The following SH3TC1 variants were observed in gnomAD, a reference collection of about 807,000 sequenced individuals.
SH3TC1 encodes the protein SH3 domain and tetratricopeptide repeats 1, also known as SH3 domain and tetratricopeptide repeat-containing protein 1.
A neutral mutation model predicts 117.3 loss-of-function variants in SH3TC1; 135 were observed. That is an observed-to-expected ratio of 1.15 (90% confidence interval 1.00 to 1.33). The LOEUF is 1.33. Ranked by LOEUF, SH3TC1 falls within the 40% of genes most tolerant of loss-of-function variation. The pLI, the probability that SH3TC1 is intolerant of heterozygous loss-of-function variation, is 0.00. For synonymous variants in SH3TC1, 898 were observed against 816.9 expected (o/e 1.10, Z -1.69); for missense variants, 2,092 against 1,794.3 (o/e 1.17, Z -3.00).
At chr4:8,237,410 G>A (rs1007929827) in intron 16 of SH3TC1, 64 bp from the exon 17 acceptor site, 12 of 1,400,426 alleles carry the variant, frequency 8.6e-6, no homozygotes, top group East Asian at 5.3e-5. Flanking sequence ...AGGTGCTGCC[G>A]GGGTCTGCAT....
In SH3TC1 at chr4:8,227,914, G is replaced by A. The variant is rs371250451; in HGVS notation, c.2220G>A (p.Ser740=). ...VKVASLRTRG[S]LAGSLRSVNL... ...TGGCCTCATTGCGGACACGGGGCTC[G>A]CTGGCCGGCTCGCTGAGGAGTGTGA... is the stretch of plus-strand genomic sequence containing the variant. The change falls in exon 12 of 18, where the codon TCG becomes TCA. Residue 740 remains serine, a synonymous_variant. Coordinates refer to ENST00000245105, the MANE Select transcript of SH3TC1 (RefSeq NM_018986.5). 6 of 1,612,606 alleles carry A rather than the reference G, an allele frequency of 3.7e-6. No homozygotes were observed. Among genetic ancestry groups the A allele is most frequent in the Non-Finnish European group, 5.1e-6 (6 of 1,179,914 alleles).
In SH3TC1 at chr4:8,219,408, C is replaced by A; in HGVS notation, c.990C>A (p.Asp330Glu). 2 of 1,611,354 alleles carry A rather than the reference C, an allele frequency of 1.2e-6. No individual in the cohort carries two copies. The highest frequency in any genetic ancestry group is 1.7e-6 in the Non-Finnish European group (2 of 1,178,674). ...AAGAGATGACCTTCCGAGGTGGCGA[C>A]CTCATCGAGATCCTTGGGGCGCAGG... is the stretch of plus-strand genomic sequence containing the variant. ...GPEEMTFRGGDLIEILGAQVP... is the reference protein window; with the variant it reads ...GPEEMTFRGGELIEILGAQVP... The change falls in exon 9 of 18, where the codon GAC (aspartate) becomes GAA (glutamate). Residue 330 changes from aspartate (D) to glutamate (E), a missense_variant. By Grantham distance (45) the Asp-to-Glu change is conservative. Transcript: ENST00000245105.
intron 5 of SH3TC1, among the ~76,000 whole-genome samples, chr4:8,215,605 C>T (rs1393947622): frequency 6.6e-6 from 1 of 152,192 alleles, no homozygotes; most frequent in African/African-American, 2.4e-5. Flanking sequence ...GTGCCTTACA[C>T]GTGCACCGAG....
chr4:8,184,048 C>T (rs772959524), intron 1 of SH3TC1, among the ~76,000 whole-genome samples: 1 of 152,086 alleles, frequency 6.6e-6, no homozygotes, highest in Non-Finnish European at 1.5e-5. Flanking sequence ...TGCGCCTGGC[C>T]GTGTGTCTTT....
At chr4:8,232,509 C>G in intron 13 of SH3TC1, 2 of 1,393,772 alleles carry the variant, frequency 1.4e-6, no homozygotes, top group Non-Finnish European at 1.9e-6. Flanking sequence ...GTCTTCACTC[C>G]TGGCCTTCAC....
chr4:8,198,374 G>A (rs1717631147), upstream of SH3TC1, among the ~76,000 whole-genome samples: 1 of 152,204 alleles, frequency 6.6e-6, no homozygotes, highest in Non-Finnish European at 1.5e-5. Flanking sequence ...AGGCTGGAGG[G>A]ATCCCTCCCA....
chr4:8,203,409 C>T (rs56215353), intron 1 of SH3TC1, among the ~76,000 whole-genome samples: 27,583 of 151,850 alleles, frequency 0.18, 2,672 homozygotes, highest in Admixed American at 0.23. Flanking sequence ...TGTCTGGTAC[C>T]AGGAGGTGTG....
chr4:8,202,332 G>T (rs552706045), intron 1 of SH3TC1, among the ~76,000 whole-genome samples: 14 of 152,338 alleles, frequency 9.2e-5, no homozygotes, highest in African/African-American at 2.9e-4. Flanking sequence ...GAGGGTGAAG[G>T]CCCCAGGCTG....
Position 8,227,430 on chromosome 4 carries a change from C to A in SH3TC1, c.1736C>A (p.Ala579Asp). 1.3e-6 allele frequency: 2 copies of A among 1,556,762 alleles called. No individual in the cohort carries two copies. Reference protein sequence around the residue: ...LCSRRLKLSQARVYFEEALGA... With the variant: ...LCSRRLKLSQDRVYFEEALGA... Reference sequence around the variant, plus strand: ...AGCAGGAGGCTCAAGCTGTCCCAGGCCCGGGTGTACTTTGAGGAAGCGCTG... The same window carrying A: ...AGCAGGAGGCTCAAGCTGTCCCAGGACCGGGTGTACTTTGAGGAAGCGCTG... Residue 579 changes from alanine to aspartate, a missense_variant, in exon 12 of 18, where the codon GCC becomes GAC. By Grantham distance (126) the Ala-to-Asp change is moderately radical (BLOSUM62 -2). Coordinates refer to ENST00000245105, the MANE Select transcript of SH3TC1 (RefSeq NM_018986.5).
chr4:8,236,572 G>A (rs796255899), intron 16 of SH3TC1, 144 bp downstream of exon 16: 12 of 1,158,832 alleles, frequency 1.0e-5, no homozygotes, highest in African/African-American at 4.8e-5. Flanking sequence ...TGGCTCCCCC[G>A]TCCGGCCGTG....
At position 8,236,423 on chromosome 4, in the gene SH3TC1, C is replaced by A. The variant is rs1207264956; in HGVS notation, c.3551C>A (p.Thr1184Asn). ...CACATGGCCCTAGCACTCAGCATCA[C>A]CCTGGGTAAGCCCCCTGAGCCCCTG... ...FAHMALALSI[T>N]LGDRLNERVA... Residue 1184 changes from threonine (T) to asparagine (N), a missense_variant, in exon 16 of 18, where the codon ACC (threonine) becomes AAC (asparagine). By Grantham distance (65) the Thr-to-Asn change is moderately conservative. Transcript: ENST00000245105. The A allele has an allele frequency of 6.8e-7, 1 of 1,477,272 alleles. No individual in the cohort carries two copies. 91.5% of individuals were successfully genotyped at this position (1,477,272 alleles called of 1,614,324 possible).
intron 17 of SH3TC1, among the ~76,000 whole-genome samples, chr4:8,238,503 G>A (rs1410775276): frequency 6.6e-6 from 1 of 152,226 alleles, no homozygotes; most frequent in Non-Finnish European, 1.5e-5. Flanking sequence ...GGGCGCTCCA[G>A]TCCAGGGACT....
At chr4:8,224,076 T>C (rs1408162283) in intron 10 of SH3TC1, among the ~76,000 whole-genome samples, 1 of 152,026 alleles carries the variant, frequency 6.6e-6, no homozygotes, top group Non-Finnish European at 1.5e-5. Flanking sequence ...TGCAGACATG[T>C]GTGCACATGT....
Position 8,206,457 on chromosome 4 carries a change from C to G in SH3TC1, c.172+1091C>G, listed in dbSNP as rs949877442. On this transcript the variant is annotated intron_variant, in intron 2 of 17. Transcript: ENST00000245105. The surrounding 1 kb of genome is among the most constrained non-coding windows in gnomAD (Gnocchi z 5.5). ...AGACGCGCAGGAGGGCCCTGGCCAG[C>G]CTCCCACAGAGCCGCGGGGCCCAGG... is the stretch of plus-strand genomic sequence containing the variant. Among the ~76,000 whole-genome samples the G allele has an allele frequency of 1.3e-5, 2 of 152,114 alleles. No homozygotes were observed. Among genetic ancestry groups the G allele is most frequent in the African/African-American group, 4.8e-5 (2 of 41,438 alleles).
rs886132686 is a variant in SH3TC1 at position 8,212,751 on chromosome 4, C to T, written c.298C>T (p.Pro100Ser). The change falls in exon 4 of 18, where the codon CCC becomes TCC. Residue 100 changes from proline to serine, a missense_variant. Pro to Ser is a moderately conservative substitution (Grantham distance 74). Transcript: ENST00000245105. ...GCGGAGGAAGAGCAGACTGCGGGACCCCGGCCTACAGCAGACCCTCCGGGG... is the reference window on the plus strand; with the variant it reads ...GCGGAGGAAGAGCAGACTGCGGGACTCCGGCCTACAGCAGACCCTCCGGGG... The part of the protein sequence containing the change: ...AVRRKSRLRD[P>S]GLQQTLRGQL... The T allele has an allele frequency of 3.7e-6, 6 of 1,612,810 alleles. No homozygotes were observed. The highest frequency in any genetic ancestry group is 5.1e-6 in the Non-Finnish European group (6 of 1,179,898).
Position 8,205,651 on chromosome 4 carries a change from C to T in SH3TC1, c.172+285C>T. 1 of 764,420 alleles carries T rather than the reference C, an allele frequency of 1.3e-6. No homozygotes were observed. The highest frequency in any genetic ancestry group is 2.4e-6 in the Non-Finnish European group (1 of 417,910). 47.4% of individuals were successfully genotyped at this position (764,420 alleles called of 1,614,324 possible). A position where few individuals can be genotyped will look rare whatever the true frequency, so the allele number is the denominator to read the frequency against. On this transcript the variant is annotated intron_variant, in intron 2 of 17. Transcript: ENST00000245105. This position sits in a 1 kb window ranked among gnomAD's most constrained non-coding sequence, Gnocchi z 5.4. The stretch of plus-strand genomic sequence containing the variant: ...AACGAGGCAGGGGCCTTTGAACCCC[C>T]ATGTTCAGAGACCGTTCCAGAAACA...
At position 8,219,532 on chromosome 4, in the gene SH3TC1, T is replaced by G. The variant is rs938173315; in HGVS notation, c.1112+2T>G. 7.1e-6 allele frequency: 11 copies of G among 1,546,122 alleles called. No individual in the cohort carries two copies. Among genetic ancestry groups the G allele is most frequent in the Non-Finnish European group, 9.6e-6 (11 of 1,140,300 alleles). ...CAGCATGCAGGGCCCCGTGTCCGAGTGAGTGGCTGGAGCCCCGCCCCTTTC... is the reference window on the plus strand; with the variant it reads ...CAGCATGCAGGGCCCCGTGTCCGAGGGAGTGGCTGGAGCCCCGCCCCTTTC... On this transcript the variant is annotated splice_donor_variant, in intron 9 of 17. Coordinates refer to ENST00000245105, the MANE Select transcript of SH3TC1 (RefSeq NM_018986.5). LOFTEE classifies it high-confidence loss of function.
chr4:8,216,385 G>C (rs1719275584), intron 6 of SH3TC1, 128 bp downstream of exon 6: 1 of 1,377,520 alleles, frequency 7.3e-7, no homozygotes, highest in Non-Finnish European at 9.8e-7. Context: ...TCTGGAGGCT[G>C]AGGGGTGCTT....
Position 8,219,391 on chromosome 4 carries a change from A to ACCTTCCGAGGTGGCGACCTCATCGAGAT in SH3TC1, c.978_1005dup (p.Gly336ProfsTer54), listed in dbSNP as rs747483975. Reference sequence around the variant, plus strand: ...CCAGGGCTCGGGGCCCGAAGAGATGACCTTCCGAGGTGGCGACCTCATCGA... The same window carrying ACCTTCCGAGGTGGCGACCTCATCGAGAT: ...CCAGGGCTCGGGGCCCGAAGAGATGACCTTCCGAGGTGGCGACCTCATCGAGATCCTTCCGAGGTGGCGACCTCATCGA... On this transcript the variant is annotated frameshift_variant, in exon 9 of 18. Transcript: ENST00000245105. LOFTEE classifies it high-confidence loss of function. 6.2e-7 allele frequency: 1 copy of ACCTTCCGAGGTGGCGACCTCATCGAGAT among 1,609,074 alleles called. No homozygotes were observed. The highest frequency in any genetic ancestry group is 1.7e-5 in the Admixed American group (1 of 59,786).
Sources: gnomAD v4.1 joint callset for allele counts (sites outside exome capture counted in the v4.1 genomes callset) on GRCh38, gnomAD v4.1.1 for gene constraint, Gnocchi (gnomAD v3.1) non-coding constraint, MANE v1.5 for transcripts, NCBI Gene and HGNC (gene_info 2026-07-23, HGNC 2026-07-21) for gene names.